ERCC5: variants seen among roughly 807,000 people sequenced by gnomAD.
ERCC5 encodes DNA excision repair protein ERCC-5.
ERCC5 carries 68 observed loss-of-function variants against 105.6 expected under a neutral mutation model. That is an observed-to-expected ratio of 0.64 (90% CI 0.53 to 0.79). The LOEUF (loss-of-function observed/expected upper bound fraction) is 0.79. Ranked by LOEUF, ERCC5 falls within the 30% of genes least tolerant of loss-of-function variation. The probability of loss-of-function intolerance (pLI) is 0.00; values close to 1 mark genes in which losing one functional copy is unlikely to be tolerated. For synonymous variants in ERCC5, 546 were observed against 526.2 expected, an observed-to-expected ratio of 1.04 and a Z score of -0.51; for missense variants, 1,373 against 1,426.7, an observed-to-expected ratio of 0.96 and a Z score of 0.61.
At position 102,861,516 on chromosome 13, in the gene ERCC5, G is replaced by T. The variant is rs749669698; in HGVS notation, c.682G>T (p.Asp228Tyr). Residue 228 changes from aspartate to tyrosine, a missense_variant, in exon 7 of 15, where the codon GAC becomes TAC. By Grantham distance (160) the Asp-to-Tyr change is radical (BLOSUM62 -3). Coordinates refer to ENST00000652225, the MANE Select transcript of ERCC5 (RefSeq NM_000123.4). ...TTTATTTTGCCTTTAGGAGTCTGAT[G>T]ACTTTTCACAGTACCAACTCAAAGG... ...LFEAMPEESD[D>Y]FSQYQLKGLL... 1 of 1,614,036 alleles carries T rather than the reference G, an allele frequency of 6.2e-7. No individual in the cohort carries two copies. Among genetic ancestry groups the T allele is most frequent in the South Asian group, 1.1e-5 (1 of 91,052 alleles).
In ERCC5 at chr13:102,865,991, A is replaced by G; in HGVS notation, c.2199+80A>G. 1 of 1,610,732 alleles carries G rather than the reference A, an allele frequency of 6.2e-7. No homozygotes were observed. The highest frequency in any genetic ancestry group is 8.5e-7 in the Non-Finnish European group (1 of 1,179,008). On this transcript the variant is annotated intron_variant, in intron 9 of 14. Coordinates refer to ENST00000652225, the MANE Select transcript of ERCC5 (RefSeq NM_000123.4). The surrounding 1 kb of genome is among the most constrained non-coding windows in gnomAD (Gnocchi z 4.0). Reference sequence around the variant, plus strand: ...GTTTTGAGTTTTAAGGAGTTGGTGGATGAGTATTTAGTAGCTATTTGCAGT... The same window carrying G: ...GTTTTGAGTTTTAAGGAGTTGGTGGGTGAGTATTTAGTAGCTATTTGCAGT...
rs552375021 is a variant in ERCC5, at chr13:102,859,372, T to C, written c.672+954T>C. Among the ~76,000 whole-genome samples the C allele has an allele frequency of 3.3e-5, 5 of 152,378 alleles. No individual in the cohort carries two copies. The East Asian group carries it at 9.6e-4, about 29-fold the overall frequency. Reference sequence around the variant, plus strand: ...TCTTTTCTCATCACTCCCTGTTTTTTCCACAAAGAATGTGCAGTAGCACAC... The same window carrying C: ...TCTTTTCTCATCACTCCCTGTTTTTCCCACAAAGAATGTGCAGTAGCACAC... On this transcript the variant is annotated intron_variant, in intron 6 of 14. Coordinates refer to ENST00000652225, the MANE Select transcript of ERCC5 (RefSeq NM_000123.4).
In ERCC5 at chr13:102,854,295, G is replaced by A. The variant is rs1263298128; in HGVS notation, c.388G>A (p.Ala130Thr). 1.9e-6 allele frequency: 3 copies of A among 1,614,024 alleles called. No homozygotes were observed. In the African/African-American group the frequency reaches 4.0e-5, roughly 22 times the overall value. ...KTAFRSKRDEALPSLTQVRRE... is the reference protein window; with the variant it reads ...KTAFRSKRDETLPSLTQVRRE... ...GATTTGTGTACTTTCCAGAGATGAA[G>A]CACTACCCAGTCTTACCCAAGTTCG... is the stretch of plus-strand genomic sequence containing the variant. The change falls in exon 4 of 15, where the codon GCA becomes ACA. Residue 130 changes from alanine (A) to threonine (T), a missense_variant. Physicochemically the swap from Ala to Thr is moderately conservative, Grantham distance 58. Transcript: ENST00000652225.
intron 8 of ERCC5, among the ~76,000 whole-genome samples, chr13:102,864,123 C>CA (rs1882746393): frequency 3.2e-5 from 4 of 124,004 alleles, no homozygotes; most frequent in South Asian, 5.5e-4. Context: ...ATAAGAGAAT[C>CA]AACCACACAC....
Position 102,862,619 on chromosome 13 carries a change from T to C in ERCC5, c.1470T>C (p.Asp490=). The change falls in exon 8 of 15, where the codon GAT becomes GAC. Residue 490 remains aspartate (D), a synonymous_variant. Coordinates refer to ENST00000652225, the MANE Select transcript of ERCC5 (RefSeq NM_000123.4). ...GGACTGAAGCCTTTCCGATAAGTGA[T>C]GAGTCTATGATTAAGGACAGAAAAG... The part of the protein sequence containing the change: ...HVGTEAFPIS[D]ESMIKDRKDR... The C allele has an allele frequency of 3.1e-6, 5 of 1,614,100 alleles. No homozygotes were observed. The highest frequency in any genetic ancestry group is 2.2e-5 in the South Asian group (2 of 91,080).
At chr13:102,850,164 G>T (rs1882151629) in intron 1 of ERCC5, among the ~76,000 whole-genome samples, 1 of 152,102 alleles carries the variant, frequency 6.6e-6, no homozygotes, top group African/African-American at 2.4e-5. Context: ...GACCTCAGGT[G>T]GTCTGCCCGC....
chr13:102,874,862 T>C (rs887511631), intron 14 of ERCC5: 2 of 162,990 alleles, frequency 1.2e-5, no homozygotes, highest in Non-Finnish European at 2.7e-5. Context: ...ATAAAAGGCA[T>C]GAATATTTCT....
At chr13:102,868,750 G>C (rs1882932270) in intron 12 of ERCC5, among the ~76,000 whole-genome samples, 1 of 152,226 alleles carries the variant, frequency 6.6e-6, no homozygotes, top group African/African-American at 2.4e-5. Context: ...CAGCACTCCT[G>C]TCCTGTTTCT....
rs547360533 is a variant in ERCC5 at position 102,871,765 on chromosome 13, AATACAG to A, written c.2679-427_2679-422del. Among the ~76,000 whole-genome samples the A allele has an allele frequency of 3.1e-3, 474 of 152,320 alleles. 1 individual carries two copies. The highest frequency in any genetic ancestry group is 4.9e-3 in the Non-Finnish European group (330 of 68,024). On this transcript the variant is annotated intron_variant, in intron 12 of 14. Transcript: ENST00000652225. ...TTATTGTATTTGATTTGAGGTAAATAATACAGATACATTACTTCCATTTTACTGCTG... is the reference window on the plus strand; with the variant it reads ...TTATTGTATTTGATTTGAGGTAAATAATACATTACTTCCATTTTACTGCTG...
chr13:102,863,212 G>A (rs1882712787), intron 8 of ERCC5, 109 bp downstream of exon 8: 4 of 1,222,048 alleles, frequency 3.3e-6, no homozygotes, highest in South Asian at 1.4e-5. Flanking sequence ...GATAAGGAAC[G>A]AGAGACGTAG....
rs987510984 is a variant in ERCC5, at chr13:102,861,019, G to A, written c.673-488G>A. Among the ~76,000 whole-genome samples the A allele has an allele frequency of 2.0e-4, 27 of 137,612 alleles. No individual in the cohort carries two copies. In the South Asian group the frequency reaches 4.5e-3, roughly 23 times the overall value. 90.3% of individuals were successfully genotyped at this position (137,612 alleles called of 152,430 possible). On this transcript the variant is annotated intron_variant, in intron 6 of 14. Transcript: ENST00000652225. The stretch of plus-strand genomic sequence containing the variant: ...TTTTTTTTTTTTGAGGGGAAGTCTC[G>A]CTCTTGTCCCTCAGGCTGGAGTGCA...
chr13:102,870,431 G>A (rs925262659), intron 12 of ERCC5, among the ~76,000 whole-genome samples: 1 of 152,058 alleles, frequency 6.6e-6, no homozygotes, highest in East Asian at 1.9e-4. Flanking sequence ...TTTCATCACA[G>A]TTGCCTCCAC....
intron 8 of ERCC5, among the ~76,000 whole-genome samples, chr13:102,864,407 C>T (rs1197833124): frequency 6.6e-6 from 1 of 152,090 alleles, no homozygotes; most frequent in Non-Finnish European, 1.5e-5. Flanking sequence ...TTGACATCCT[C>T]CTATGAGGAA....
At chr13:102,856,149 T>C (rs777462647) in intron 5 of ERCC5, 37 bp downstream of exon 5, 11 of 1,574,736 alleles carry the variant, frequency 7.0e-6, no homozygotes, top group Non-Finnish European at 9.6e-6. Context: ...ATGTATTCTG[T>C]TATTTGAAAT....
In ERCC5 at chr13:102,873,270, G is replaced by A. The variant is rs149859074; in HGVS notation, c.2891G>A (p.Arg964Gln). ...TTAACTGCATGCATATTTTGTCAGC[G>A]GTATTTCGGCTGGAACAGAACGAAG... ...DLDKIREFCQ[R>Q]YFGWNRTKTD... is the part of the protein sequence containing the mutation. Residue 964 changes from arginine (R) to glutamine (Q), a missense_variant, in exon 14 of 15, where the codon CGG (arginine) becomes CAG (glutamine). By Grantham distance (43) the Arg-to-Gln change is conservative. Coordinates refer to ENST00000652225, the MANE Select transcript of ERCC5 (RefSeq NM_000123.4). 100 of 1,613,864 alleles carry A rather than the reference G, an allele frequency of 6.2e-5. No homozygotes were observed. The highest frequency in any genetic ancestry group is 7.3e-5 in the Non-Finnish European group (86 of 1,179,996).
intron 8 of ERCC5, among the ~76,000 whole-genome samples, chr13:102,864,295 C>T (rs1209506414): frequency 1.3e-5 from 2 of 152,204 alleles, no homozygotes; most frequent in Admixed American, 6.5e-5. Context: ...CAAACTTCCA[C>T]CCACTTGTTA....
intron 14 of ERCC5, 56 bp downstream of exon 14, chr13:102,873,399 C>T: frequency 6.2e-7 from 1 of 1,603,212 alleles, no homozygotes; most frequent in Non-Finnish European, 8.5e-7. Flanking sequence ...CTGTGGTTGA[C>T]AGCTGTTAAA....
rs1882317394 is a variant in ERCC5 at position 102,854,291 on chromosome 13, T to C, written c.384T>C (p.Asp128=). 1.2e-6 allele frequency: 2 copies of C among 1,614,170 alleles called. No homozygotes were observed. The highest frequency in any genetic ancestry group is 2.7e-5 in the African/African-American group (2 of 75,038). ...AIKTAFRSKR[D]EALPSLTQVR... is the part of the protein sequence containing the mutation. ...TAAAGATTTGTGTACTTTCCAGAGATGAAGCACTACCCAGTCTTACCCAAG... is the reference window on the plus strand; with the variant it reads ...TAAAGATTTGTGTACTTTCCAGAGACGAAGCACTACCCAGTCTTACCCAAG... Residue 128 remains aspartate, a synonymous_variant, in exon 4 of 15, where the codon GAT becomes GAC. Transcript: ENST00000652225.
chr13:102,851,277 CA>C (rs1184936211), intron 1 of ERCC5, among the ~76,000 whole-genome samples: 3 of 152,060 alleles, frequency 2.0e-5, no homozygotes, highest in Non-Finnish European at 4.4e-5. Flanking sequence ...TTTGGTATTC[CA>C]GCAAATAGGT....
Sources: gnomAD v4.1 joint callset for allele counts (sites outside exome capture counted in the v4.1 genomes callset) on GRCh38, gnomAD v4.1.1 for gene constraint, Gnocchi (gnomAD v3.1) non-coding constraint, MANE v1.5 for transcripts, NCBI Gene and HGNC (gene_info 2026-07-23, HGNC 2026-07-21) for gene names.